The following ABLIM2 variants were observed in gnomAD, a reference collection of about 807,000 sequenced individuals.
The protein encoded by ABLIM2 is actin-binding LIM protein 2.
A neutral mutation model predicts 97.7 loss-of-function variants in ABLIM2; 53 were observed. The observed-to-expected ratio is 0.54, with a 90% CI of 0.44 to 0.68. ABLIM2 has a LOEUF of 0.68. Ranked by LOEUF, ABLIM2 falls within the 30% of genes least tolerant of loss-of-function variation. ABLIM2 has a pLI of 0.00. For synonymous variants in ABLIM2, 361 were observed against 345.8 expected (o/e 1.04, Z -0.49); for missense variants, 835 against 867.2 (o/e 0.96, Z 0.47).
intron 20 of ABLIM2, among the ~76,000 whole-genome samples, chr4:7,972,019 G>A (rs1255648273): frequency 6.6e-6 from 1 of 152,140 alleles, no homozygotes; most frequent in African/African-American, 2.4e-5. Flanking sequence ...TGCATACAGG[G>A]GTGAGTCTTG....
At chr4:8,088,320 C>A in intron 3 of ABLIM2, 36 bp from the exon 4 acceptor site, 2 of 1,555,368 alleles carry the variant, frequency 1.3e-6, no homozygotes, top group East Asian at 2.3e-5. Flanking sequence ...CCAGGCCCAC[C>A]TTCTGGCTCC....
chr4:8,069,017 C>T lies in ABLIM2; in HGVS notation c.676-7963G>A, dbSNP rs1047545421. Among the ~76,000 whole-genome samples, 15 of 152,258 alleles carry T rather than the reference C, an allele frequency of 9.9e-5. No individual in the cohort carries two copies. The highest frequency in any genetic ancestry group is 3.6e-4 in the African/African-American group (15 of 41,462). On this transcript the variant is annotated intron_variant, in intron 6 of 20. Transcript: ENST00000447017. This position sits in a 1 kb window ranked among gnomAD's most constrained non-coding sequence, Gnocchi z 4.2. Reference sequence around the variant, plus strand: ...AAGAAGGGCCCCACTCTGAGCAGTGCCCAGCAAGGCCCCTTGAGATCTGGG... The same window carrying T: ...AAGAAGGGCCCCACTCTGAGCAGTGTCCAGCAAGGCCCCTTGAGATCTGGG...
chr4:8,145,074 G>T (rs188006364), intron 1 of ABLIM2, among the ~76,000 whole-genome samples: 78 of 152,278 alleles, frequency 5.1e-4, no homozygotes, highest in African/African-American at 1.8e-3. Flanking sequence ...ACCCTCATCT[G>T]CCAACTGGGA....
chr4:8,017,001 T>C (rs1769819093), intron 14 of ABLIM2, among the ~76,000 whole-genome samples: 1 of 152,236 alleles, frequency 6.6e-6, no homozygotes, highest in Non-Finnish European at 1.5e-5. Flanking sequence ...TTGGAGATAC[T>C]TCTCTCCGGT....
intron 20 of ABLIM2, among the ~76,000 whole-genome samples, chr4:7,972,223 G>C (rs554162299): frequency 6.6e-6 from 1 of 152,278 alleles, no homozygotes; most frequent in Admixed American, 6.5e-5. Flanking sequence ...TGACGTGGCT[G>C]TCAGGTGGCC....
At chr4:8,119,249 G>A (rs1411150620) in intron 1 of ABLIM2, among the ~76,000 whole-genome samples, 2 of 151,922 alleles carry the variant, frequency 1.3e-5, no homozygotes. Context: ...GGGATGCTGG[G>A]TATGGAAGGA....
At chr4:7,968,860 GC>G (rs1485971850) in intron 20 of ABLIM2, among the ~76,000 whole-genome samples, 24 of 152,204 alleles carry the variant, frequency 1.6e-4, no homozygotes, top group Admixed American at 1.6e-3. Context: ...GTTAAAATGG[GC>G]CGGGGGTGGC....
At chr4:8,109,535 C>G (rs573962418) in intron 1 of ABLIM2, among the ~76,000 whole-genome samples, 2 of 152,312 alleles carry the variant, frequency 1.3e-5, no homozygotes, top group East Asian at 3.9e-4. Flanking sequence ...TAAGCGTTCC[C>G]AGAACCCCAC....
Position 8,026,450 on chromosome 4 carries a change from G to C in ABLIM2, c.1267+1309C>G, listed in dbSNP as rs371530290. Among the ~76,000 whole-genome samples the C allele has an allele frequency of 3.9e-5, 6 of 152,262 alleles. No homozygotes were observed. The East Asian group carries it at 1.2e-3, about 29-fold the overall frequency. The stretch of plus-strand genomic sequence containing the variant: ...CCAAAGCAATGATGATGAGGTACAC[G>C]GAGAGGTGTGCAGGTCTGAATGAAC... On this transcript the variant is annotated intron_variant, in intron 12 of 20. Coordinates refer to ENST00000447017, the MANE Select transcript of ABLIM2 (RefSeq NM_001130083.2).
intron 17 of ABLIM2, among the ~76,000 whole-genome samples, chr4:7,988,303 G>A (rs7664556): frequency 0.18 from 27,817 of 152,158 alleles, 3,303 homozygotes; most frequent in East Asian, 0.38. Flanking sequence ...GATTACAGGC[G>A]TGAACCACCA....
At position 8,032,957 on chromosome 4, in the gene ABLIM2, G is replaced by A. The variant is rs969262406; in HGVS notation, c.1048-3181C>T. 1.3e-5 allele frequency among the ~76,000 whole-genome samples: 2 copies of A among 152,244 alleles called. No individual in the cohort carries two copies. Among genetic ancestry groups the A allele is most frequent in the African/African-American group, 2.4e-5 (1 of 41,530 alleles). ...CTTGTCTCTACCTGGCCACCCCCAC[G>A]TCCCACTGTTCTCCCACAAAGATGT... On this transcript the variant is annotated intron_variant, in intron 10 of 20. Coordinates refer to ENST00000447017, the MANE Select transcript of ABLIM2 (RefSeq NM_001130083.2). This position sits in a 1 kb window ranked among gnomAD's most constrained non-coding sequence, Gnocchi z 4.3.
At chr4:7,993,832 G>A (rs13130459) in intron 16 of ABLIM2, 28,876 of 455,108 alleles carry the variant, frequency 0.063, 1,024 homozygotes, top group Non-Finnish European at 0.079. Flanking sequence ...GCTGTCAGGA[G>A]GGGGCAGCCT....
chr4:8,077,759 G>C, intron 5 of ABLIM2, 38 bp from the exon 6 acceptor site: 1 of 1,559,288 alleles, frequency 6.4e-7, no homozygotes, highest in Admixed American at 1.8e-5. Context: ...GGCGGGTGTC[G>C]CCCGAGGACC....
intron 1 of ABLIM2, among the ~76,000 whole-genome samples, chr4:8,133,708 G>C (rs115414718): frequency 6.6e-6 from 1 of 152,164 alleles, no homozygotes; most frequent in African/African-American, 2.4e-5. Context: ...TCCATGCCCC[G>C]GCCCTCCGAC....
intron 1 of ABLIM2, among the ~76,000 whole-genome samples, chr4:8,157,535 AG>A (rs1017250394): frequency 2.6e-5 from 4 of 152,134 alleles, no homozygotes; most frequent in African/African-American, 4.8e-5. Flanking sequence ...CTTGGATTGG[AG>A]GGGGAGGGAG....
rs546920019 is a variant in ABLIM2 at position 8,128,562 on chromosome 4, G to T, written c.11-21925C>A. On this transcript the variant is annotated intron_variant, in intron 1 of 20. Transcript: ENST00000447017. The surrounding 1 kb of genome is among the most constrained non-coding windows in gnomAD (Gnocchi z 4.9). ...GATGTACTCCCAGGCTCTAAAACAC[G>T]AATGCACTAAACCTCCAGTGACCTT... 6.6e-6 allele frequency among the ~76,000 whole-genome samples: 1 copy of T among 152,170 alleles called. No individual in the cohort carries two copies. The highest frequency in any genetic ancestry group is 1.9e-4 in the East Asian group (1 of 5,192).
intron 1 of ABLIM2, among the ~76,000 whole-genome samples, chr4:8,135,188 CT>C (rs1850013806): frequency 1.3e-5 from 2 of 152,338 alleles, no homozygotes; most frequent in South Asian, 4.1e-4. Flanking sequence ...ATAAAAGCTA[CT>C]AAGGACAACG....
At chr4:8,020,442 G>A in intron 12 of ABLIM2, 139 bp from the exon 13 acceptor site, 1 of 786,944 alleles carries the variant, frequency 1.3e-6, no homozygotes, top group Non-Finnish European at 2.2e-6. Flanking sequence ...CTGCCCAGGG[G>A]AAGGAGTGTG....
chr4:8,019,128 G>A lies in ABLIM2; in HGVS notation c.1423+490C>T, dbSNP rs769556858. 2.6e-5 allele frequency among the ~76,000 whole-genome samples: 4 copies of A among 152,154 alleles called. No homozygotes were observed. The highest frequency in any genetic ancestry group is 4.4e-5 in the Non-Finnish European group (3 of 68,014). ...CTATTTGCTTATGCAAGAAATCTCC[G>A]TAACGGAAGGCAAGGTCACCCATCC... On this transcript the variant is annotated intron_variant, in intron 14 of 20. Coordinates refer to ENST00000447017, the MANE Select transcript of ABLIM2 (RefSeq NM_001130083.2). This position sits in a 1 kb window ranked among gnomAD's most constrained non-coding sequence, Gnocchi z 4.3.
Sources: gnomAD v4.1 joint callset for allele counts (sites outside exome capture counted in the v4.1 genomes callset) on GRCh38, gnomAD v4.1.1 for gene constraint, Gnocchi (gnomAD v3.1) non-coding constraint, MANE v1.5 for transcripts, NCBI Gene and HGNC (gene_info 2026-07-23, HGNC 2026-07-21) for gene names.